DPP6: variants seen among roughly 807,000 people sequenced by gnomAD.
The protein encoded by DPP6 is dipeptidyl peptidase like 6.
DPP6 carries 69 observed loss-of-function variants against 122.6 expected under a neutral mutation model. That is an observed-to-expected ratio of 0.56 (90% confidence interval 0.46 to 0.69). The LOEUF (loss-of-function observed/expected upper bound fraction) is 0.69. DPP6 is among the 30% of genes least tolerant of loss of function. The pLI, the probability that DPP6 is intolerant of heterozygous loss-of-function variation, is 0.00. For missense variants in DPP6, 928 were observed against 1,116.9 expected, an observed-to-expected ratio of 0.83 and a Z score of 2.41; for synonymous variants, 418 against 433.1, an observed-to-expected ratio of 0.97 and a Z score of 0.43.
intron 1 of DPP6, among the ~76,000 whole-genome samples, chr7:154,317,563 T>C (rs10215740): frequency 0.59 from 89,096 of 151,982 alleles, 26,587 homozygotes; most frequent in South Asian, 0.67. Context: ...CTATTGGGAA[T>C]CTGAAGTTGT....
At chr7:154,439,487 A>G (rs1819179173) in intron 1 of DPP6, among the ~76,000 whole-genome samples, 1 of 152,214 alleles carries the variant, frequency 6.6e-6, no homozygotes, top group Admixed American at 6.5e-5. Flanking sequence ...AAAACATTAT[A>G]TCAAAATAGA....
At position 154,151,425 on chromosome 7, in the gene DPP6, A is replaced by T. The variant is rs1796414249; in HGVS notation, c.243+98362A>T. ...TGTGCTTGTAAGCCTGTGACCAGCA[A>T]TACTGTCACTTCTTAGAAAACATTT... On this transcript the variant is annotated intron_variant, in intron 1 of 25. Transcript: ENST00000377770. 2.0e-5 allele frequency among the ~76,000 whole-genome samples: 3 copies of T among 152,162 alleles called. No individual in the cohort carries two copies. The South Asian group carries it at 6.2e-4, about 32-fold the overall frequency.
chr7:154,469,704 C>T (rs936753500), intron 2 of DPP6, among the ~76,000 whole-genome samples: 1 of 152,108 alleles, frequency 6.6e-6, no homozygotes, highest in African/African-American at 2.4e-5. Flanking sequence ...AGGAGTAGCA[C>T]CTGCAACACA....
At chr7:153,853,133 C>T in the DPP6 span, among the ~76,000 whole-genome samples, 1 of 152,242 alleles carries the variant, frequency 6.6e-6, no homozygotes, top group Non-Finnish European at 1.5e-5. Context: ...GAATCAAATG[C>T]ATGGCTATAA....
intron 1 of DPP6, among the ~76,000 whole-genome samples, chr7:154,442,509 G>A (rs140813170): frequency 1.4e-4 from 21 of 151,910 alleles, no homozygotes; most frequent in Middle Eastern, 3.4e-3. Flanking sequence ...GGAAATTCCA[G>A]GAAACAGAAA....
chr7:154,892,703 G>C lies in DPP6; in HGVS notation c.*223G>C, dbSNP rs532207156. 7 of 972,348 alleles carry C rather than the reference G, an allele frequency of 7.2e-6. No homozygotes were observed. The South Asian group carries it at 9.0e-5, about 12-fold the overall frequency. 60.2% of individuals were successfully genotyped at this position (972,348 alleles called of 1,614,324 possible). A position where few individuals can be genotyped will look rare whatever the true frequency, so the allele number is the denominator to read the frequency against. ...TGGCACCAGGGACAACGCTGTCCCCGCAGCAGCGCCTCCTCCCGGCGCCCG... is the reference window on the plus strand; with the variant it reads ...TGGCACCAGGGACAACGCTGTCCCCCCAGCAGCGCCTCCTCCCGGCGCCCG... On this transcript the variant is annotated 3_prime_UTR_variant, in exon 26 of 26. Coordinates refer to ENST00000377770, the MANE Select transcript of DPP6 (RefSeq NM_130797.4).
chr7:153,788,506 T>G, the DPP6 span, among the ~76,000 whole-genome samples: 2 of 152,226 alleles, frequency 1.3e-5, no homozygotes, highest in Non-Finnish European at 2.9e-5. Context: ...CATTTTAACA[T>G]AAAATTATAC....
the DPP6 span, among the ~76,000 whole-genome samples, chr7:153,847,842 G>A: frequency 6.6e-6 from 1 of 152,042 alleles, no homozygotes; most frequent in African/African-American, 2.4e-5. Context: ...ATATTTATGG[G>A]GACTTTATAT....
intron 1 of DPP6, among the ~76,000 whole-genome samples, chr7:154,409,193 T>C (rs2151201922): frequency 6.6e-6 from 1 of 152,302 alleles, no homozygotes; most frequent in South Asian, 2.1e-4. Context: ...TATTTAAAGA[T>C]TGGTCCTTTA....
chr7:154,796,024 G>A (rs879279100), intron 12 of DPP6, 141 bp downstream of exon 12: 8 of 1,351,064 alleles, frequency 5.9e-6, no homozygotes, highest in South Asian at 1.7e-5. Context: ...ACGGCGTGCC[G>A]GCTCCACTCA....
intron 17 of DPP6, among the ~76,000 whole-genome samples, chr7:154,864,801 G>A (rs1373836259): frequency 2.0e-5 from 3 of 152,234 alleles, no homozygotes; most frequent in Non-Finnish European, 4.4e-5. Flanking sequence ...CACGCAGCCT[G>A]TGTAGTCCAT....
In DPP6 at chr7:154,681,842, A is replaced by C. The variant is rs1056111009; in HGVS notation, c.762+12401A>C. ...GTCAGTCCCACTTACTGTAGCAGTT[A>C]ATCTTATGCCTCTTTGTTTTATTAT... On this transcript the variant is annotated intron_variant, in intron 7 of 25. Transcript: ENST00000377770. 2.0e-5 allele frequency among the ~76,000 whole-genome samples: 3 copies of C among 152,226 alleles called. No homozygotes were observed. In the East Asian group the frequency reaches 5.8e-4, roughly 29 times the overall value.
Position 154,063,377 on chromosome 7 carries a change from A to G in DPP6, c.243+10314A>G, listed in dbSNP as rs1195306945. Among the ~76,000 whole-genome samples, 62 of 120,580 alleles carry G rather than the reference A, an allele frequency of 5.1e-4. 3 individuals carry two copies. Among genetic ancestry groups the G allele is most frequent in the East Asian group, 4.7e-3 (17 of 3,636 alleles). The allele number at this position is 120,580 out of a possible 152,430, so 79.1% of individuals were successfully genotyped here. A position where few individuals can be genotyped will look rare whatever the true frequency, so the allele number is the denominator to read the frequency against. On this transcript the variant is annotated intron_variant, in intron 1 of 25. Coordinates refer to ENST00000377770, the MANE Select transcript of DPP6 (RefSeq NM_130797.4). Reference sequence around the variant, plus strand: ...ATTGCAGGAGGGTGTGGCACCCCCCACGAGGGTGGGGACTGAGAGCTATCC... The same window carrying G: ...ATTGCAGGAGGGTGTGGCACCCCCCGCGAGGGTGGGGACTGAGAGCTATCC...
intron 4 of DPP6, among the ~76,000 whole-genome samples, chr7:154,543,012 G>A (rs1374336428): frequency 1.3e-5 from 2 of 152,188 alleles, no homozygotes; most frequent in Non-Finnish European, 2.9e-5. Flanking sequence ...GTATGGAGAA[G>A]GTGAAGCCTG....
At chr7:154,278,920 T>C (rs79613371) in intron 1 of DPP6, among the ~76,000 whole-genome samples, 9,946 of 151,774 alleles carry the variant, frequency 0.066, 436 homozygotes, top group African/African-American at 0.12. Flanking sequence ...CATGTGTATG[T>C]ATGTGTATGT....
intron 4 of DPP6, among the ~76,000 whole-genome samples, chr7:154,545,039 C>T (rs895593522): frequency 7.9e-5 from 12 of 152,158 alleles, no homozygotes; most frequent in African/African-American, 2.9e-4. Context: ...CAGAGGCATC[C>T]AGAGCTGGTA....
chr7:154,768,905 A>C (rs1360038265), intron 8 of DPP6, among the ~76,000 whole-genome samples: 1 of 152,246 alleles, frequency 6.6e-6, no homozygotes, highest in Admixed American at 6.5e-5. Context: ...TGGACTCATT[A>C]TCTGAGGAGG....
chr7:154,103,002 C>G (rs181591078), intron 1 of DPP6, among the ~76,000 whole-genome samples: 1 of 152,014 alleles, frequency 6.6e-6, no homozygotes, highest in Non-Finnish European at 1.5e-5. Context: ...AAAGGCCAGC[C>G]CCATGGGGTC....
In DPP6 at chr7:154,787,377, T is replaced by C. The variant is rs149509990; in HGVS notation, c.1137-6702T>C. 6.4e-3 allele frequency among the ~76,000 whole-genome samples: 968 copies of C among 151,630 alleles called. 3 individuals carry two copies. The highest frequency in any genetic ancestry group is 0.031 in the Middle Eastern group (9 of 294). Reference sequence around the variant, plus strand: ...ACACCATCGATTGTGGAAGTCTTCCTTTCCCTACTGATTTGGAATGACATC... The same window carrying C: ...ACACCATCGATTGTGGAAGTCTTCCCTTCCCTACTGATTTGGAATGACATC... On this transcript the variant is annotated intron_variant, in intron 10 of 25. Transcript: ENST00000377770.
Sources: allele counts gnomAD v4.1 joint callset (sites outside exome capture counted in the v4.1 genomes callset), GRCh38; gene constraint gnomAD v4.1.1; transcripts MANE v1.5; gene names NCBI Gene and HGNC (gene_info 2026-07-23, HGNC 2026-07-21).